The following GABRA5 variants were observed in gnomAD, a reference collection of about 807,000 sequenced individuals.
GABRA5 encodes the protein gamma-aminobutyric acid receptor subunit alpha-5.
A neutral mutation model predicts 47.3 loss-of-function variants in GABRA5; 18 were observed. The ratio of observed to expected loss-of-function variants is 0.38; its 90% CI spans 0.26 to 0.56. The LOEUF is 0.56. GABRA5 is among the 20% of genes least tolerant of loss of function. The probability of loss-of-function intolerance (pLI) is 0.71; values close to 1 mark genes in which losing one functional copy is unlikely to be tolerated. For synonymous variants in GABRA5, 237 were observed against 229.3 expected (o/e 1.03, Z -0.30); for missense variants, 365 against 599.3 (o/e 0.61, Z 4.08).
At chr15:26,913,532 C>T (rs146228433) in intron 6 of GABRA5, among the ~76,000 whole-genome samples, 7 of 152,092 alleles carry the variant, frequency 4.6e-5, no homozygotes, top group Non-Finnish European at 1.0e-4. Context: ...GGCTAATCAG[C>T]GACATTCAGT....
At position 26,880,846 on chromosome 15, in the gene GABRA5, C is replaced by T. The variant is rs200114860; in HGVS notation, c.87C>T (p.Gly29=). 3.1e-5 allele frequency: 50 copies of T among 1,613,044 alleles called. No homozygotes were observed. The highest frequency in any genetic ancestry group is 4.0e-5 in the Non-Finnish European group (47 of 1,179,536). ...CISMNLSSHF[G]FSQMPTSSVK... The stretch of plus-strand genomic sequence containing the variant: ...TTCCTCTTGTTTCTCTTTTTAAAAG[C>T]TTTTCACAGATGCCAACCAGTTCAG... The change falls in exon 4 of 11, where the codon GGC becomes GGT. Residue 29 remains glycine, a splice_region_variant and synonymous_variant. Coordinates refer to ENST00000335625, the MANE Select transcript of GABRA5 (RefSeq NM_000810.4).
At chr15:26,884,855 G>A (rs1259482750) in intron 6 of GABRA5, among the ~76,000 whole-genome samples, 3 of 152,198 alleles carry the variant, frequency 2.0e-5, no homozygotes, top group East Asian at 1.9e-4. Context: ...CACTTGTGGT[G>A]GATAATCAGC....
Position 26,883,763 on chromosome 15 carries a change from G to A in GABRA5, c.497+206G>A, listed in dbSNP as rs1035803618. ...CCAGGGCTGCCATAGGTCCGTGGCC[G>A]TTTGTCATTTGGACTCGTTTATTCG... On this transcript the variant is annotated intron_variant, in intron 6 of 10. Transcript: ENST00000335625. This position sits in a 1 kb window ranked among gnomAD's most constrained non-coding sequence, Gnocchi z 4.8. Among the ~76,000 whole-genome samples the A allele has an allele frequency of 3.9e-5, 6 of 152,208 alleles. No individual in the cohort carries two copies. The highest frequency in any genetic ancestry group is 1.4e-4 in the African/African-American group (6 of 41,454).
At position 26,937,307 on chromosome 15, in the gene GABRA5, G is replaced by T; in HGVS notation, c.703G>T (p.Glu235Ter). The T allele has an allele frequency of 6.2e-7, 1 of 1,612,748 alleles. No individual in the cohort carries two copies. The highest frequency in any genetic ancestry group is 8.5e-7 in the Non-Finnish European group (1 of 1,179,212). ...YHLMGQTVGT[E>*]NISTSTGEYT... ...CCTGATGGGGCAGACGGTGGGCACT[G>T]AGAACATCAGCACCAGCACAGGTGA... The change falls in exon 8 of 11, where the codon GAG becomes TAG. Residue 235 changes from glutamate (E) to a stop codon, truncating the protein, a stop_gained. Transcript: ENST00000335625. LOFTEE classifies it high-confidence loss of function.
intron 7 of GABRA5, among the ~76,000 whole-genome samples, chr15:26,923,732 G>C (rs1314496448): frequency 6.6e-6 from 1 of 152,032 alleles, no homozygotes; most frequent in African/African-American, 2.4e-5. Flanking sequence ...CCAAGACATG[G>C]ATCTCAGCTC....
chr15:26,911,919 TG>T (rs1230186376), intron 6 of GABRA5, among the ~76,000 whole-genome samples: 2 of 152,174 alleles, frequency 1.3e-5, no homozygotes, highest in African/African-American at 4.8e-5. Flanking sequence ...ACCCTGACGA[TG>T]GCATAGACTG....
intron 6 of GABRA5, among the ~76,000 whole-genome samples, chr15:26,895,033 G>T (rs1893146515): frequency 6.6e-6 from 1 of 151,886 alleles, no homozygotes; most frequent in South Asian, 2.1e-4. Flanking sequence ...TTCTCAAACA[G>T]GAGCTGCTGC....
rs567343848 is a variant in GABRA5 at position 26,886,783 on chromosome 15, G to A, written c.497+3226G>A. 2.2e-4 allele frequency among the ~76,000 whole-genome samples: 33 copies of A among 152,306 alleles called. 1 individual carries two copies. In the South Asian group the frequency reaches 6.6e-3, roughly 31 times the overall value. On this transcript the variant is annotated intron_variant, in intron 6 of 10. Coordinates refer to ENST00000335625, the MANE Select transcript of GABRA5 (RefSeq NM_000810.4). ...GTGGTAATTAGTGGCTGTTTGTGCG[G>A]AGGAAGAGTCTGCTAATGAGCTGCA... is the stretch of plus-strand genomic sequence containing the variant.
At chr15:26,940,350 T>C (rs1173211928) in intron 9 of GABRA5, among the ~76,000 whole-genome samples, 1 of 152,228 alleles carries the variant, frequency 6.6e-6, no homozygotes, top group Non-Finnish European at 1.5e-5. Flanking sequence ...TGCCAGCATG[T>C]ATCTGTTTTA....
At chr15:26,947,142 G>T (rs1894530719) in intron 10 of GABRA5, among the ~76,000 whole-genome samples, 1 of 152,214 alleles carries the variant, frequency 6.6e-6, no homozygotes, top group African/African-American at 2.4e-5. Flanking sequence ...AGGTAAAGAA[G>T]CGATGGCTGC....
intron 3 of GABRA5, among the ~76,000 whole-genome samples, chr15:26,877,930 G>T (rs1313981191): frequency 6.6e-6 from 1 of 152,192 alleles, no homozygotes; most frequent in Non-Finnish European, 1.5e-5. Context: ...CTTCCCCAAA[G>T]AATGGAGCCT....
At chr15:26,941,271 A>G (rs1894377357) in intron 9 of GABRA5, among the ~76,000 whole-genome samples, 1 of 152,106 alleles carries the variant, frequency 6.6e-6, no homozygotes, top group African/African-American at 2.4e-5. Context: ...TAGGCAGAAA[A>G]AAAGCTGGGA....
intron 3 of GABRA5, among the ~76,000 whole-genome samples, chr15:26,870,581 T>C (rs72712050): frequency 6.6e-6 from 1 of 152,110 alleles, no homozygotes; most frequent in Non-Finnish European, 1.5e-5. Context: ...AGTATTCCCT[T>C]GGGAAAGAGC....
At chr15:26,894,812 A>G (rs1893139954) in intron 6 of GABRA5, among the ~76,000 whole-genome samples, 3 of 152,164 alleles carry the variant, frequency 2.0e-5, no homozygotes, top group African/African-American at 7.2e-5. Context: ...GTCCGGCCGC[A>G]GAATATCTGG....
chr15:26,895,757 G>A (rs1436614008), intron 6 of GABRA5, among the ~76,000 whole-genome samples: 2 of 147,888 alleles, frequency 1.4e-5, no homozygotes, highest in Admixed American at 6.8e-5. Flanking sequence ...AGGTTGCAGA[G>A]AGCCAAGATG....
chr15:26,917,280 T>A (rs1416209662), intron 7 of GABRA5, among the ~76,000 whole-genome samples: 1 of 152,152 alleles, frequency 6.6e-6, no homozygotes, highest in Non-Finnish European at 1.5e-5. Flanking sequence ...ATTTTTATCA[T>A]GAAAGGGTGT....
chr15:26,877,828 T>C (rs1892634846), intron 3 of GABRA5: 4 of 350,032 alleles, frequency 1.1e-5, no homozygotes, highest in South Asian at 2.2e-5. Context: ...CAGACTAAAA[T>C]TGAAGGGTAA....
intron 6 of GABRA5, among the ~76,000 whole-genome samples, chr15:26,908,474 G>C (rs1214291618): frequency 3.3e-5 from 5 of 152,196 alleles, no homozygotes; most frequent in African/African-American, 1.2e-4. Flanking sequence ...CGTCATGCCA[G>C]CTGCAGAATG....
At position 26,883,024 on chromosome 15, in the gene GABRA5, T is replaced by G. The variant is rs757374136; in HGVS notation, c.209-142T>G. On this transcript the variant is annotated intron_variant, in intron 4 of 10. Coordinates refer to ENST00000335625, the MANE Select transcript of GABRA5 (RefSeq NM_000810.4). This position sits in a 1 kb window ranked among gnomAD's most constrained non-coding sequence, Gnocchi z 4.8. ...GCAGCTCGATTTCATCTGGTAATTG[T>G]CAAGTCCTCCAAATTTACCAAACGC... 8.2e-6 allele frequency: 6 copies of G among 730,616 alleles called. No homozygotes were observed. Among genetic ancestry groups the G allele is most frequent in the Non-Finnish European group, 1.5e-5 (6 of 397,974 alleles). 45.3% of individuals were successfully genotyped at this position (730,616 alleles called of 1,614,324 possible).
Sources: gnomAD v4.1 joint callset for allele counts (sites outside exome capture counted in the v4.1 genomes callset) on GRCh38, gnomAD v4.1.1 for gene constraint, Gnocchi (gnomAD v3.1) non-coding constraint, MANE v1.5 for transcripts, NCBI Gene and HGNC (gene_info 2026-07-23, HGNC 2026-07-21) for gene names.